The following TRPS1 variants were observed in gnomAD, a reference collection of about 807,000 sequenced individuals.
TRPS1 encodes zinc finger transcription factor Trps1.
Under a neutral mutation model 101.2 loss-of-function variants are expected in TRPS1, and 6 were observed. That is an observed-to-expected ratio of 0.06 (90% CI 0.03 to 0.12). The LOEUF (loss-of-function observed/expected upper bound fraction) is 0.12. Ranked by LOEUF, TRPS1 falls within the 10% of genes least tolerant of loss-of-function variation. The probability of loss-of-function intolerance (pLI) is 1.00; values close to 1 mark genes in which losing one functional copy is unlikely to be tolerated. For missense variants in TRPS1, 1,363 were observed against 1,567.0 expected, an observed-to-expected ratio of 0.87 and a Z score of 2.20; for synonymous variants, 578 against 589.8, an observed-to-expected ratio of 0.98 and a Z score of 0.29.
At chr8:115,477,485 C>A (rs932153072) in intron 5 of TRPS1, among the ~76,000 whole-genome samples, 2 of 152,170 alleles carry the variant, frequency 1.3e-5, no homozygotes, top group African/African-American at 4.8e-5. Flanking sequence ...AAACTATTAT[C>A]CCATGATTTC....
chr8:115,492,748 C>T (rs1815059050), intron 5 of TRPS1, among the ~76,000 whole-genome samples: 1 of 152,110 alleles, frequency 6.6e-6, no homozygotes, highest in Non-Finnish European at 1.5e-5. Flanking sequence ...GAGTCTCACT[C>T]TGTCACCCAG....
In TRPS1 at chr8:115,587,434, T is replaced by C. The variant is rs1817589632; in HGVS notation, c.2267A>G (p.Asp756Gly). The change falls in exon 5 of 7, where the codon GAC becomes GGC. Residue 756 changes from aspartate (D) to glycine (G), a missense_variant. By Grantham distance (94) the Asp-to-Gly change is moderately conservative. Coordinates refer to ENST00000395715, the MANE Select transcript of TRPS1 (RefSeq NM_014112.5). ...AGTTAGCAGATTGTAGACCCTGAAG[T>C]CAATTTTGGGCTCCTCTTTGATGGT... ...ISTIKEEPKI[D>G]FRVYNLLTPD... The C allele has an allele frequency of 1.2e-6, 2 of 1,614,046 alleles. No individual in the cohort carries two copies. The highest frequency in any genetic ancestry group is 2.7e-5 in the African/African-American group (2 of 74,918).
rs1217699436 is a variant in TRPS1, at chr8:115,547,146, T to G, written c.2700+39855A>C. 3.3e-5 allele frequency among the ~76,000 whole-genome samples: 5 copies of G among 152,286 alleles called. No individual in the cohort carries two copies. In the East Asian group the frequency reaches 9.7e-4, roughly 29 times the overall value. On this transcript the variant is annotated intron_variant, in intron 5 of 6. Transcript: ENST00000395715. ...GTATAATTCATGCCTGATAAAATCA[T>G]AAAAATGCCATATCAAATAGCAAAT...
At chr8:115,514,554 A>T (rs2130197507) in intron 5 of TRPS1, among the ~76,000 whole-genome samples, 1 of 151,664 alleles carries the variant, frequency 6.6e-6, no homozygotes, top group South Asian at 2.1e-4. Context: ...ATGTTAGCAC[A>T]CTTAGTAGTT....
chr8:115,415,658 T>C (rs1310936261), intron 6 of TRPS1, among the ~76,000 whole-genome samples: 1 of 152,048 alleles, frequency 6.6e-6, no homozygotes, highest in Non-Finnish European at 1.5e-5. Context: ...TGTGGCCTTA[T>C]GAGAAGAGGA....
At chr8:115,562,112 A>AT (rs1469855496) in intron 5 of TRPS1, among the ~76,000 whole-genome samples, 1 of 152,164 alleles carries the variant, frequency 6.6e-6, no homozygotes, top group Non-Finnish European at 1.5e-5. Context: ...GAAAGGAGGT[A>AT]TGAGAAGGTA....
Position 115,658,044 on chromosome 8 carries a change from G to GA in TRPS1, c.-122+10500dup, listed in dbSNP as rs1811713711. 2.6e-5 allele frequency among the ~76,000 whole-genome samples: 4 copies of GA among 151,924 alleles called. No individual in the cohort carries two copies. The South Asian group carries it at 8.3e-4, about 32-fold the overall frequency. ...AAGAGGGGTAGGAAGTTGAAAAAAA[G>GA]AAAAAAATGATGATAAAGCAGGGCA... On this transcript the variant is annotated intron_variant, in intron 1 of 6. Coordinates refer to ENST00000395715, the MANE Select transcript of TRPS1 (RefSeq NM_014112.5).
chr8:115,450,991 G>A (rs1217335745), intron 5 of TRPS1, among the ~76,000 whole-genome samples: 4 of 152,190 alleles, frequency 2.6e-5, no homozygotes, highest in African/African-American at 7.2e-5. Flanking sequence ...CCCCAAAAGT[G>A]TACAAAAGGG....
intron 4 of TRPS1, among the ~76,000 whole-genome samples, chr8:115,594,038 C>T (rs181761413): frequency 1.2e-3 from 179 of 152,188 alleles, no homozygotes; most frequent in African/African-American, 4.1e-3. Flanking sequence ...AAGAAATGGA[C>T]AGTCACAGCT....
chr8:115,466,349 A>T (rs1411097948), intron 5 of TRPS1, among the ~76,000 whole-genome samples: 2 of 152,128 alleles, frequency 1.3e-5, no homozygotes, highest in African/African-American at 2.4e-5. Flanking sequence ...AATATCATAA[A>T]CTCTGTCATA....
intron 5 of TRPS1, among the ~76,000 whole-genome samples, chr8:115,456,257 A>C: frequency 6.6e-6 from 1 of 152,212 alleles, no homozygotes; most frequent in East Asian, 1.9e-4. Flanking sequence ...GCAACGTGTC[A>C]AGAACCTCTG....
At chr8:115,512,520 T>A (rs1815611134) in intron 5 of TRPS1, among the ~76,000 whole-genome samples, 1 of 151,596 alleles carries the variant, frequency 6.6e-6, no homozygotes, top group Admixed American at 6.6e-5. Context: ...AAATTATGCT[T>A]CATGGTTTTT....
intron 5 of TRPS1, among the ~76,000 whole-genome samples, chr8:115,518,561 C>T (rs918000944): frequency 1.3e-5 from 2 of 151,636 alleles, no homozygotes; most frequent in Non-Finnish European, 3.0e-5. Flanking sequence ...AATTTTTGTC[C>T]TAAAGGTATA....
At chr8:115,567,098 G>C (rs1164285109) in intron 5 of TRPS1, among the ~76,000 whole-genome samples, 1 of 151,786 alleles carries the variant, frequency 6.6e-6, no homozygotes, top group Non-Finnish European at 1.5e-5. Flanking sequence ...CCATAGAGAG[G>C]AAAGTCTGGT....
At chr8:115,606,476 A>T (rs892740297) in intron 3 of TRPS1, among the ~76,000 whole-genome samples, 59 of 152,188 alleles carry the variant, frequency 3.9e-4, no homozygotes, top group African/African-American at 1.2e-3. Context: ...TAATCAAAGG[A>T]TGTAATATTT....
intron 5 of TRPS1, among the ~76,000 whole-genome samples, chr8:115,529,012 C>G (rs544465868): frequency 1.2e-4 from 18 of 152,000 alleles, no homozygotes; most frequent in Non-Finnish European, 2.4e-4. Context: ...AGAACAGTAT[C>G]ACTGGCATCA....
At chr8:115,447,035 C>G (rs34420245) in intron 5 of TRPS1, among the ~76,000 whole-genome samples, 34,848 of 152,050 alleles carry the variant, frequency 0.23, 4,985 homozygotes, top group Middle Eastern at 0.44. Flanking sequence ...ACTCCAAGAC[C>G]CGGTGAATCA....
chr8:115,422,408 C>T (rs554331447), intron 5 of TRPS1, among the ~76,000 whole-genome samples: 1 of 151,890 alleles, frequency 6.6e-6, no homozygotes, highest in South Asian at 2.1e-4. Flanking sequence ...GCTCTGTTGC[C>T]CAGGCTGGAG....
intron 5 of TRPS1, among the ~76,000 whole-genome samples, chr8:115,505,776 T>TTA (rs1272234788): frequency 1.3e-5 from 2 of 152,124 alleles, no homozygotes; most frequent in Non-Finnish European, 2.9e-5. Context: ...AGTCAGGTCT[T>TTA]AAGACTTCTG....
Sources: allele counts gnomAD v4.1 joint callset (sites outside exome capture counted in the v4.1 genomes callset), GRCh38; gene constraint gnomAD v4.1.1; transcripts MANE v1.5; gene names NCBI Gene and HGNC (gene_info 2026-07-23, HGNC 2026-07-21).